Variants in KCNK13 observed in about 807,000 individuals in gnomAD.
The protein encoded by KCNK13 is potassium channel subfamily K member 13.
KCNK13 carries 12 observed loss-of-function variants against 23.4 expected under a neutral mutation model. That is an observed-to-expected ratio of 0.51 (90% confidence interval 0.33 to 0.83). The LOEUF (loss-of-function observed/expected upper bound fraction) is 0.83. Among genes scored for constraint, KCNK13 ranks in the 40% least tolerant of loss-of-function variants. The probability of loss-of-function intolerance (pLI) is 0.02; values close to 1 mark genes in which losing one functional copy is unlikely to be tolerated. For missense variants in KCNK13, 463 were observed against 556.3 expected (o/e 0.83, Z 1.69); for synonymous variants, 231 against 229.5 (o/e 1.01, Z -0.06).
intron 1 of KCNK13, among the ~76,000 whole-genome samples, chr14:90,085,220 C>G (rs2140397263): frequency 6.6e-6 from 1 of 152,156 alleles, no homozygotes; most frequent in Non-Finnish European, 1.5e-5. Context: ...GCTAGGATTA[C>G]AGGTGTGAGC....
At chr14:90,073,679 G>GT (rs895261782) in intron 1 of KCNK13, among the ~76,000 whole-genome samples, 44 of 152,152 alleles carry the variant, frequency 2.9e-4, no homozygotes, top group African/African-American at 1.0e-3. Flanking sequence ...TTTTGTTTTT[G>GT]TTTTTTCTGG....
Position 90,184,953 on chromosome 14 carries a change from G to A in KCNK13, c.1177G>A (p.Ala393Thr). The A allele has an allele frequency of 2.5e-6, 4 of 1,610,794 alleles. No homozygotes were observed. The highest frequency in any genetic ancestry group is 3.4e-6 in the Non-Finnish European group (4 of 1,178,244). The change falls in exon 2 of 2, where the codon GCC (alanine) becomes ACC (threonine). Residue 393 changes from alanine (A) to threonine (T), a missense_variant. This residue lies in a region of KCNK13 where 166 missense variants were observed against 178.8 expected (regional missense o/e 0.93). Coordinates refer to ENST00000282146, the MANE Select transcript of KCNK13 (RefSeq NM_022054.4). The surrounding 1 kb of genome is among the most constrained non-coding windows in gnomAD (Gnocchi z 5.6). ...RDNEFSGGVG[A>T]FAIMNNRLAE... The stretch of plus-strand genomic sequence containing the variant: ...CAATGAATTCTCAGGGGGGGTGGGA[G>A]CCTTTGCAATCATGAACAACAGGTT...
At chr14:90,178,231 C>CAAAAAAAAA (rs34726346) in intron 1 of KCNK13, among the ~76,000 whole-genome samples, 132 of 74,958 alleles carry the variant, frequency 1.8e-3, no homozygotes, top group Middle Eastern at 0.015. Context: ...TTCCTAAAAG[C>CAAAAAAAAA]AAAAAAAAAA....
At chr14:90,091,874 C>T (rs1383803263) in intron 1 of KCNK13, among the ~76,000 whole-genome samples, 1 of 150,470 alleles carries the variant, frequency 6.6e-6, no homozygotes, top group Non-Finnish European at 1.5e-5. Flanking sequence ...TAAACGTTGG[C>T]AAGAATGCTG....
chr14:90,073,698 TCTCA>T (rs1280901085), intron 1 of KCNK13, among the ~76,000 whole-genome samples: 1 of 152,128 alleles, frequency 6.6e-6, no homozygotes, highest in Non-Finnish European at 1.5e-5. Context: ...GGAGACAGAG[TCTCA>T]CTCTGTCACC....
At chr14:90,141,473 C>T (rs1890004219) in intron 1 of KCNK13, among the ~76,000 whole-genome samples, 1 of 151,174 alleles carries the variant, frequency 6.6e-6, no homozygotes, top group South Asian at 2.1e-4. Flanking sequence ...TGTTTTGTTT[C>T]TGAGATAGAG....
chr14:90,100,558 G>T (rs762166931), intron 1 of KCNK13, among the ~76,000 whole-genome samples: 4 of 152,182 alleles, frequency 2.6e-5, no homozygotes, highest in Non-Finnish European at 4.4e-5. Flanking sequence ...TTGAACAAAG[G>T]AAAGCAGTAA....
intron 1 of KCNK13, among the ~76,000 whole-genome samples, chr14:90,085,666 A>AT (rs1240175840): frequency 7.6e-5 from 11 of 143,880 alleles, no homozygotes; most frequent in African/African-American, 1.8e-4. Context: ...TCTCAAAAAA[A>AT]AATATATATA....
At chr14:90,069,030 C>CTTTTTTTTTTTT (rs34881625) in intron 1 of KCNK13, among the ~76,000 whole-genome samples, 7 of 90,096 alleles carry the variant, frequency 7.8e-5, no homozygotes, top group Admixed American at 1.4e-4. Flanking sequence ...AGTTTTTATT[C>CTTTTTTTTTTTT]TTTTTTTTTT....
intron 1 of KCNK13, among the ~76,000 whole-genome samples, chr14:90,110,181 G>C (rs940613704): frequency 6.6e-6 from 1 of 152,134 alleles, no homozygotes; most frequent in Admixed American, 6.5e-5. Flanking sequence ...TGCTACTACA[G>C]CTTTAATGTG....
chr14:90,163,601 G>A (rs1050205522), intron 1 of KCNK13, among the ~76,000 whole-genome samples: 21 of 152,344 alleles, frequency 1.4e-4, no homozygotes, highest in Admixed American at 1.3e-3. Context: ...ATCAGGTGCA[G>A]GATGAACTTG....
chr14:90,150,303 A>G (rs934100054), intron 1 of KCNK13, among the ~76,000 whole-genome samples: 1 of 152,096 alleles, frequency 6.6e-6, no homozygotes, highest in African/African-American at 2.4e-5. Flanking sequence ...GTGCTTAACT[A>G]CTATGCTCTC....
At chr14:90,129,047 C>G (rs1889836998) in intron 1 of KCNK13, among the ~76,000 whole-genome samples, 2 of 152,008 alleles carry the variant, frequency 1.3e-5, no homozygotes, top group South Asian at 4.1e-4. Flanking sequence ...AAGTAGGTAA[C>G]TCTAAGCAAT....
At chr14:90,068,931 G>C (rs1265438979) in intron 1 of KCNK13, among the ~76,000 whole-genome samples, 1 of 152,108 alleles carries the variant, frequency 6.6e-6, no homozygotes, top group Non-Finnish European at 1.5e-5. Flanking sequence ...CCGGGCTCAG[G>C]CTGAGAAGAT....
chr14:90,099,534 A>G (rs1218214176), intron 1 of KCNK13, among the ~76,000 whole-genome samples: 1 of 152,244 alleles, frequency 6.6e-6, no homozygotes, highest in Non-Finnish European at 1.5e-5. Context: ...GTGAGTTATT[A>G]GAAAGGTGTT....
At chr14:90,169,730 C>T (rs987121155) in intron 1 of KCNK13, among the ~76,000 whole-genome samples, 4 of 152,118 alleles carry the variant, frequency 2.6e-5, no homozygotes, top group Non-Finnish European at 5.9e-5. Flanking sequence ...CATACATATC[C>T]CGAGGTACTT....
At chr14:90,104,773 GCTA>G (rs1476439827) in intron 1 of KCNK13, among the ~76,000 whole-genome samples, 1 of 147,476 alleles carries the variant, frequency 6.8e-6, no homozygotes, top group Non-Finnish European at 1.5e-5. Context: ...TTGGGGATCA[GCTA>G]CTTTCTTTTC....
intron 1 of KCNK13, among the ~76,000 whole-genome samples, chr14:90,149,890 C>T (rs1246497888): frequency 6.6e-6 from 1 of 152,006 alleles, no homozygotes; most frequent in African/African-American, 2.4e-5. Context: ...AAATAGAGCA[C>T]TTACTATGTC....
intron 1 of KCNK13, among the ~76,000 whole-genome samples, chr14:90,110,932 T>C (rs1349397682): frequency 1.3e-5 from 2 of 151,314 alleles, no homozygotes; most frequent in Non-Finnish European, 2.9e-5. Flanking sequence ...TTGCTTGAAC[T>C]CGGGAGGCAG....
Sources: allele counts gnomAD v4.1 joint callset (sites outside exome capture counted in the v4.1 genomes callset), GRCh38; gene constraint gnomAD v4.1.1; regional missense constraint gnomAD v4.1.1; non-coding constraint Gnocchi (gnomAD v3.1); transcripts MANE v1.5; gene names NCBI Gene and HGNC (gene_info 2026-07-23, HGNC 2026-07-21).